Variants in ZSWIM8 observed in about 807,000 individuals in gnomAD.
ZSWIM8 encodes the protein zinc finger SWIM-type containing 8.
A neutral mutation model predicts 173.7 loss-of-function variants in ZSWIM8; 27 were observed. The ratio of observed to expected loss-of-function variants is 0.16; its 90% CI spans 0.11 to 0.21. The LOEUF (loss-of-function observed/expected upper bound fraction) is 0.21, where lower values mean the gene tolerates loss of function less well. ZSWIM8 is among the 10% of genes least tolerant of loss of function. The probability of loss-of-function intolerance (pLI) is 1.00; values close to 1 mark genes in which losing one functional copy is unlikely to be tolerated. For synonymous variants in ZSWIM8, 958 were observed against 962.0 expected (o/e 1.00, Z 0.08); for missense variants, 1,627 against 2,428.8 (o/e 0.67, Z 6.94).
Position 73,801,333 on chromosome 10 carries a change from G to T in ZSWIM8, c.5319G>T (p.Leu1773Phe). The change falls in exon 26 of 26, where the codon TTG becomes TTT. Residue 1773 changes from leucine to phenylalanine, a missense_variant. Coordinates refer to ENST00000604729, the MANE Select transcript of ZSWIM8 (RefSeq NM_001367799.1). The surrounding 1 kb of genome is among the most constrained non-coding windows in gnomAD (Gnocchi z 4.9). Reference sequence around the variant, plus strand: ...TCCTCCAGTACATCCACCACCGCTTGATTCACCTGACTCCTGCGGACTACG... The same window carrying T: ...TCCTCCAGTACATCCACCACCGCTTTATTCACCTGACTCCTGCGGACTACG... ...QAYMQYIHHR[L>F]IHLTPADYDD... 1 of 1,613,898 alleles carries T rather than the reference G, an allele frequency of 6.2e-7. No individual in the cohort carries two copies. Among genetic ancestry groups the T allele is most frequent in the Non-Finnish European group, 8.5e-7 (1 of 1,179,822 alleles).
At chr10:73,786,943 CT>C (rs3036236) in intron 1 of ZSWIM8, among the ~76,000 whole-genome samples, 74,574 of 131,628 alleles carry the variant, frequency 0.57, 21,127 homozygotes, top group Middle Eastern at 0.75. Context: ...ACATATATCA[CT>C]TTTTTTTTTT....
chr10:73,800,919 A>G lies in ZSWIM8; in HGVS notation c.5123-98A>G. The G allele has an allele frequency of 7.5e-7, 1 of 1,327,528 alleles. No homozygotes were observed. Among genetic ancestry groups the G allele is most frequent in the Non-Finnish European group, 1.0e-6 (1 of 967,750 alleles). The allele number at this position is 1,327,528 out of a possible 1,614,324, so 82.2% of individuals were successfully genotyped here. A position where few individuals can be genotyped will look rare whatever the true frequency, so the allele number is the denominator to read the frequency against. On this transcript the variant is annotated intron_variant, in intron 24 of 25. Coordinates refer to ENST00000604729, the MANE Select transcript of ZSWIM8 (RefSeq NM_001367799.1). This position sits in a 1 kb window ranked among gnomAD's most constrained non-coding sequence, Gnocchi z 4.1. ...AGGGTTACCTCAGCTCCTGGGGTGGAGGGAGGCTCTCTGCCAGGCCAGAGC... is the reference window on the plus strand; with the variant it reads ...AGGGTTACCTCAGCTCCTGGGGTGGGGGGAGGCTCTCTGCCAGGCCAGAGC...
rs191276556 is a variant in ZSWIM8 at position 73,797,636 on chromosome 10, A to G, written c.3662+31A>G. 5.6e-6 allele frequency: 9 copies of G among 1,609,900 alleles called. No homozygotes were observed. In the East Asian group the frequency reaches 1.8e-4, roughly 32 times the overall value. On this transcript the variant is annotated intron_variant, in intron 18 of 25. Transcript: ENST00000604729. The surrounding 1 kb of genome is among the most constrained non-coding windows in gnomAD (Gnocchi z 5.6). ...TGGGAAGAACTCCCCATCTTCCCTG[A>G]TCTGGCCCACCCTCAGAGCCACACC... is the stretch of plus-strand genomic sequence containing the variant.
chr10:73,797,234 A>T lies in ZSWIM8; in HGVS notation c.3396A>T (p.Gly1132=), dbSNP rs1386107332. Reference sequence around the variant, plus strand: ...GTCGTGGAGGCTATAATGGACGGGGATGGGGGTCCCCAGGACGGCCTAAGA... The same window carrying T: ...GTCGTGGAGGCTATAATGGACGGGGTTGGGGGTCCCCAGGACGGCCTAAGA... The part of the protein sequence containing the change: ...LGSRGGYNGR[G]WGSPGRPKKK... Residue 1132 remains glycine, a synonymous_variant, in exon 17 of 26, where the codon GGA becomes GGT. Coordinates refer to ENST00000604729, the MANE Select transcript of ZSWIM8 (RefSeq NM_001367799.1). This position sits in a 1 kb window ranked among gnomAD's most constrained non-coding sequence, Gnocchi z 5.6. 6.2e-7 allele frequency: 1 copy of T among 1,613,948 alleles called. No homozygotes were observed. Among genetic ancestry groups the T allele is most frequent in the Non-Finnish European group, 8.5e-7 (1 of 1,179,868 alleles).
chr10:73,793,744 T>TCCCCCCCCCC, intron 11 of ZSWIM8, 25 bp downstream of exon 11: 1 of 1,579,190 alleles, frequency 6.3e-7, no homozygotes, highest in East Asian at 2.3e-5. Context: ...TCCTCTACCT[T>TCCCCCCCCCC]CCCCTCCCCC....
rs3036236 is a variant in ZSWIM8, at chr10:73,786,943, CTT to C, written c.208+873_208+874del. Among the ~76,000 whole-genome samples the C allele has an allele frequency of 5.7e-3, 745 of 131,754 alleles. 14 individuals carry two copies. The highest frequency in any genetic ancestry group is 0.049 in the East Asian group (236 of 4,858). The allele number at this position is 131,754 out of a possible 152,430, so 86.4% of individuals were successfully genotyped here. A position where few individuals can be genotyped will look rare whatever the true frequency, so the allele number is the denominator to read the frequency against. On this transcript the variant is annotated intron_variant, in intron 1 of 25. Coordinates refer to ENST00000604729, the MANE Select transcript of ZSWIM8 (RefSeq NM_001367799.1). ...GACAGAGAGAAATTTACATATATCA[CTT>C]TTTTTTTTTTTTTTTGAGACGGAGT...
Position 73,792,179 on chromosome 10 carries a change from C to T in ZSWIM8, c.1640C>T (p.Thr547Ile), listed in dbSNP as rs756909274. Residue 547 changes from threonine (T) to isoleucine (I), a missense_variant, in exon 10 of 26, where the codon ACC becomes ATC. Around this residue, in one of 18 missense-constraint regions of ZSWIM8, gnomAD observed 383 missense variants for 394.8 expected, o/e 0.97. Transcript: ENST00000604729. The surrounding 1 kb of genome is among the most constrained non-coding windows in gnomAD (Gnocchi z 4.3). ...GCTGTGCGGCCCAAGGAGCCTGGGA[C>T]CAAGCGAAAGGGCTTGGGTGAGGGG... ...EPAVRPKEPG[T>I]KRKGLGEGVP... 3 of 1,529,934 alleles carry T rather than the reference C, an allele frequency of 2.0e-6. No individual in the cohort carries two copies. In the Admixed American group the frequency reaches 6.3e-5, roughly 32 times the overall value. 94.8% of individuals were successfully genotyped at this position (1,529,934 alleles called of 1,614,324 possible). A position where few individuals can be genotyped will look rare whatever the true frequency, so the allele number is the denominator to read the frequency against.
In ZSWIM8 at chr10:73,799,198, G is replaced by A. The variant is rs1450837566; in HGVS notation, c.4373G>A (p.Gly1458Glu). ...ASGIRAGGEA[G>E]RGMPEGRGGP... ...GGGATCAGGGCAGGTGGGGAAGCTG[G>A]GCGGGGTATGCCTGAGGGTAGAGGG... The change falls in exon 21 of 26, where the codon GGG (glycine) becomes GAG (glutamate). Residue 1458 changes from glycine to glutamate, a missense_variant. Physicochemically the swap from Gly to Glu is moderately conservative, Grantham distance 98 (BLOSUM62 -2). This residue lies in a region of ZSWIM8 where 275 missense variants were observed against 290.1 expected (regional missense o/e 0.95). Transcript: ENST00000604729. 6.2e-7 allele frequency: 1 copy of A among 1,609,198 alleles called. No homozygotes were observed. The highest frequency in any genetic ancestry group is 8.5e-7 in the Non-Finnish European group (1 of 1,177,664).
chr10:73,798,508 G>A, intron 20 of ZSWIM8, 55 bp downstream of exon 20: 4 of 1,529,512 alleles, frequency 2.6e-6, no homozygotes, highest in Non-Finnish European at 3.6e-6. Context: ...CAGGGAGGTT[G>A]GGCATGGGAA....
chr10:73,791,109 A>G lies in ZSWIM8; in HGVS notation c.1076A>G (p.Lys359Arg). 1.2e-6 allele frequency: 2 copies of G among 1,613,924 alleles called. No homozygotes were observed. The highest frequency in any genetic ancestry group is 1.7e-6 in the Non-Finnish European group (2 of 1,179,796). ...NLLSIVREMFKRRDSNAAPLL... is the reference protein window; with the variant it reads ...NLLSIVREMFRRRDSNAAPLL... Reference sequence around the variant, plus strand: ...CTAAGCATTGTGCGGGAGATGTTCAAGCGGAGGGACAGCAATGCTGCCCCC... The same window carrying G: ...CTAAGCATTGTGCGGGAGATGTTCAGGCGGAGGGACAGCAATGCTGCCCCC... Residue 359 changes from lysine to arginine, a missense_variant, in exon 8 of 26, where the codon AAG (lysine) becomes AGG (arginine). This residue lies in a region of ZSWIM8 where 38 missense variants were observed against 106.1 expected (regional missense o/e 0.36). Coordinates refer to ENST00000604729, the MANE Select transcript of ZSWIM8 (RefSeq NM_001367799.1). This position sits in a 1 kb window ranked among gnomAD's most constrained non-coding sequence, Gnocchi z 6.0.
Position 73,797,215 on chromosome 10 carries a change from G to C in ZSWIM8, c.3377G>C (p.Gly1126Ala). The C allele has an allele frequency of 6.2e-7, 1 of 1,614,012 alleles. No individual in the cohort carries two copies. The highest frequency in any genetic ancestry group is 8.5e-7 in the Non-Finnish European group (1 of 1,179,876). Residue 1126 changes from glycine to alanine, a missense_variant, in exon 17 of 26, where the codon GGA (glycine) becomes GCA (alanine). This residue lies in a region of ZSWIM8 where 163 missense variants were observed against 193.2 expected (regional missense o/e 0.84). Coordinates refer to ENST00000604729, the MANE Select transcript of ZSWIM8 (RefSeq NM_001367799.1). The surrounding 1 kb of genome is among the most constrained non-coding windows in gnomAD (Gnocchi z 5.6). Reference protein sequence around the residue: ...VPSRLALGSRGGYNGRGWGSP... With the variant: ...VPSRLALGSRAGYNGRGWGSP... Reference sequence around the variant, plus strand: ...AGCCGCTTGGCACTTGGCAGTCGTGGAGGCTATAATGGACGGGGATGGGGG... The same window carrying C: ...AGCCGCTTGGCACTTGGCAGTCGTGCAGGCTATAATGGACGGGGATGGGGG...
At chr10:73,798,890 T>C in intron 20 of ZSWIM8, 112 bp from the exon 21 acceptor site, 1 of 1,423,942 alleles carries the variant, frequency 7.0e-7, no homozygotes, top group South Asian at 1.4e-5. Context: ...CACTGACCTC[T>C]GATGATTCCC....
At chr10:73,787,677 C>A (rs2083274284) in intron 1 of ZSWIM8, among the ~76,000 whole-genome samples, 1 of 151,918 alleles carries the variant, frequency 6.6e-6, no homozygotes, top group Non-Finnish European at 1.5e-5. Context: ...CATGGTGAAA[C>A]CCCATCTCTA....
In ZSWIM8 at chr10:73,801,382, A is replaced by G. The variant is rs776871887; in HGVS notation, c.5368A>G (p.Ser1790Gly). 4 of 1,613,972 alleles carry G rather than the reference A, an allele frequency of 2.5e-6. No homozygotes were observed. The highest frequency in any genetic ancestry group is 3.4e-6 in the Non-Finnish European group (4 of 1,179,872). The change falls in exon 26 of 26, where the codon AGT (serine) becomes GGT (glycine). Residue 1790 changes from serine to glycine, a missense_variant. Transcript: ENST00000604729. The surrounding 1 kb of genome is among the most constrained non-coding windows in gnomAD (Gnocchi z 4.9). ...CGACGACTTTGTGAATGCGATCCGG[A>G]GTGCCCGCAGCGCCTTCTGCCTGAC... ...DYDDFVNAIRSARSAFCLTPM... is the reference protein window; with the variant it reads ...DYDDFVNAIRGARSAFCLTPM...
chr10:73,789,425 C>T lies in ZSWIM8; in HGVS notation c.516C>T (p.Tyr172=), dbSNP rs1230567698. ...AGATGGTCCCTCCTAAAGGGGCCTACAACGTGGCTGTGATGTTTGACCGCT... is the reference window on the plus strand; with the variant it reads ...AGATGGTCCCTCCTAAAGGGGCCTATAACGTGGCTGTGATGTTTGACCGCT... The part of the protein sequence containing the change: ...PPQMVPPKGA[Y]NVAVMFDRCR... The change falls in exon 4 of 26, where the codon TAC becomes TAT. Residue 172 remains tyrosine (Y), a synonymous_variant. Coordinates refer to ENST00000604729, the MANE Select transcript of ZSWIM8 (RefSeq NM_001367799.1). The surrounding 1 kb of genome is among the most constrained non-coding windows in gnomAD (Gnocchi z 6.8). 1.3e-6 allele frequency: 2 copies of T among 1,595,456 alleles called. No individual in the cohort carries two copies. The highest frequency in any genetic ancestry group is 1.7e-6 in the Non-Finnish European group (2 of 1,170,854).
rs1486781194 is a variant in ZSWIM8, at chr10:73,800,125, C to G, written c.4780C>G (p.Pro1594Ala). The stretch of plus-strand genomic sequence containing the variant: ...TTCCATGGCACCCATCACAGTACAT[C>G]CCTACCACACAGAGCCAGGGCTTCC... ...VPSMAPITVH[P>A]YHTEPGLPLP... The change falls in exon 22 of 26, where the codon CCC (proline) becomes GCC (alanine). Residue 1594 changes from proline to alanine, a missense_variant. Physicochemically the swap from Pro to Ala is conservative, Grantham distance 27 (BLOSUM62 -1). Coordinates refer to ENST00000604729, the MANE Select transcript of ZSWIM8 (RefSeq NM_001367799.1). The surrounding 1 kb of genome is among the most constrained non-coding windows in gnomAD (Gnocchi z 4.1). 1.2e-6 allele frequency: 2 copies of G among 1,613,854 alleles called. No individual in the cohort carries two copies. Among genetic ancestry groups the G allele is most frequent in the Non-Finnish European group, 1.7e-6 (2 of 1,179,856 alleles).
rs1413770108 is a variant in ZSWIM8, at chr10:73,796,925, C to T, written c.3185C>T (p.Thr1062Ile). Residue 1062 changes from threonine (T) to isoleucine (I), a missense_variant, in exon 16 of 26, where the codon ACC becomes ATC. Physicochemically the swap from Thr to Ile is moderately conservative, Grantham distance 89 (BLOSUM62 -1). Coordinates refer to ENST00000604729, the MANE Select transcript of ZSWIM8 (RefSeq NM_001367799.1). ...PSAPGALQPL[T>I]SGSAGPAQPG... is the part of the protein sequence containing the mutation. ...GCCCCAGGGGCCCTGCAACCACTGA[C>T]CTCAGGCTCTGCAGGGCCTGCTCAA... 2 of 1,614,078 alleles carry T rather than the reference C, an allele frequency of 1.2e-6. No homozygotes were observed. Among genetic ancestry groups the T allele is most frequent in the Non-Finnish European group, 1.7e-6 (2 of 1,179,902 alleles).
chr10:73,792,966 C>A lies in ZSWIM8; in HGVS notation c.2313+114C>A. On this transcript the variant is annotated intron_variant, in intron 10 of 25. Coordinates refer to ENST00000604729, the MANE Select transcript of ZSWIM8 (RefSeq NM_001367799.1). The surrounding 1 kb of genome is among the most constrained non-coding windows in gnomAD (Gnocchi z 4.3). ...CAGCAGGATTGTGAGAACCCTGTTG[C>A]AGGCGCCGAACTGGTCTCCCTGCTT... The A allele has an allele frequency of 3.8e-6, 5 of 1,311,222 alleles. No homozygotes were observed. The highest frequency in any genetic ancestry group is 1.5e-5 in the South Asian group (1 of 67,322). 81.2% of individuals were successfully genotyped at this position (1,311,222 alleles called of 1,614,324 possible).
In ZSWIM8 at chr10:73,800,329, C is replaced by T. The variant is rs1243793321; in HGVS notation, c.4859C>T (p.Ala1620Val). Residue 1620 changes from alanine (A) to valine (V), a missense_variant, in exon 23 of 26, where the codon GCC becomes GTC. Physicochemically the swap from Ala to Val is moderately conservative, Grantham distance 64 (BLOSUM62 0). Transcript: ENST00000604729. This position sits in a 1 kb window ranked among gnomAD's most constrained non-coding sequence, Gnocchi z 4.1. ...GTCCATCCAGCATCCACGTTTCCAGCCATCCAAGGTGCCTCACTGCCTGCC... is the reference window on the plus strand; with the variant it reads ...GTCCATCCAGCATCCACGTTTCCAGTCATCCAAGGTGCCTCACTGCCTGCC... ...SSVHPASTFP[A>V]IQGASLPALT... 3.1e-6 allele frequency: 5 copies of T among 1,613,902 alleles called. No individual in the cohort carries two copies. Among genetic ancestry groups the T allele is most frequent in the East Asian group, 2.2e-5 (1 of 44,878 alleles).
Sources: gnomAD v4.1 joint callset for allele counts (sites outside exome capture counted in the v4.1 genomes callset) on GRCh38, gnomAD v4.1.1 for gene constraint, gnomAD v4.1.1 regional missense constraint, Gnocchi (gnomAD v3.1) non-coding constraint, MANE v1.5 for transcripts, NCBI Gene and HGNC (gene_info 2026-07-23, HGNC 2026-07-21) for gene names.